Variants in OPN3 observed in about 807,000 individuals in gnomAD.
The protein encoded by OPN3 is opsin 3.
In OPN3, 29 loss-of-function variants were observed where a neutral mutation model predicts 33.8. The observed-to-expected ratio is 0.86, with a 90% confidence interval of 0.64 to 1.17. OPN3 has a LOEUF of 1.17. Among genes scored for constraint, OPN3 ranks in the 50% most tolerant of loss-of-function variants. OPN3 has a pLI of 0.00. For synonymous variants in OPN3, 216 were observed against 216.1 expected (o/e 1.00, Z 0.00); for missense variants, 437 against 514.1 (o/e 0.85, Z 1.45).
intron 1 of OPN3, among the ~76,000 whole-genome samples, chr1:241,609,714 T>C (rs1663937397): frequency 6.6e-6 from 1 of 152,178 alleles, no homozygotes; most frequent in Admixed American, 6.5e-5. Context: ...GAGATAAAGC[T>C]TAAGTTGGGT....
At chr1:241,600,492 A>G (rs1345525521) in intron 2 of OPN3, 1 of 152,228 alleles carries the variant, frequency 6.6e-6, no homozygotes. Flanking sequence ...GCTAAGACAA[A>G]TTCTTCAGAA....
At chr1:241,607,737 A>G (rs1037411819) in intron 1 of OPN3, among the ~76,000 whole-genome samples, 54 of 107,400 alleles carry the variant, frequency 5.0e-4, no homozygotes, top group African/African-American at 1.6e-3. Flanking sequence ...AAAGGAGGGA[A>G]GGAAGGAAGG....
rs371668029 is a variant in OPN3 at position 241,604,455 on chromosome 1, C to T, written c.498G>A (p.Leu166=). The T allele has an allele frequency of 3.8e-5, 62 of 1,614,010 alleles. No individual in the cohort carries two copies. The African/African-American group carries it at 7.9e-4, about 21-fold the overall frequency. ...CCAGGAGAGGTGCTCCTGCCCACGC[C>T]AGTGAGTAGAGCCAGATGTAGGTAA... is the stretch of plus-strand genomic sequence containing the variant. ...RAITYIWLYS[L]AWAGAPLLGW... is the part of the protein sequence containing the mutation. Residue 166 remains leucine, a synonymous_variant, in exon 2 of 4, where the codon CTG becomes CTA. Coordinates refer to ENST00000366554, the MANE Select transcript of OPN3 (RefSeq NM_014322.3).
rs996340594 is a variant in OPN3, at chr1:241,594,086, G to A, written c.*342C>T. The A allele has an allele frequency of 2.4e-5, 6 of 249,630 alleles. No individual in the cohort carries two copies. In the East Asian group the frequency reaches 5.8e-4, roughly 24 times the overall value. The allele number at this position is 249,630 out of a possible 1,614,324, so 15.5% of individuals were successfully genotyped here. The stretch of plus-strand genomic sequence containing the variant: ...ACGCGACAGTTATTTTTACAGTAAG[G>A]TATTTTCGAGAAAAATGCATTACGT... On this transcript the variant is annotated 3_prime_UTR_variant, in exon 4 of 4. Coordinates refer to ENST00000366554, the MANE Select transcript of OPN3 (RefSeq NM_014322.3).
chr1:241,595,387 A>T (rs1002325251), intron 3 of OPN3: 4 of 152,254 alleles, frequency 2.6e-5, no homozygotes, highest in Admixed American at 6.5e-5. Flanking sequence ...TTCCTAAATG[A>T]CTGCATAGGA....
intron 1 of OPN3, chr1:241,634,032 C>A: frequency 6.2e-7 from 1 of 1,613,550 alleles, no homozygotes; most frequent in South Asian, 1.1e-5. Flanking sequence ...CAGTCAGGCC[C>A]AGAGCAGACA....
intron 1 of OPN3, among the ~76,000 whole-genome samples, chr1:241,610,669 G>A (rs1663966811): frequency 6.6e-6 from 1 of 152,154 alleles, no homozygotes; most frequent in Non-Finnish European, 1.5e-5. Flanking sequence ...AAGAAAAAAA[G>A]ATGAATTATA....
intron 1 of OPN3, among the ~76,000 whole-genome samples, chr1:241,613,602 G>T (rs1323446231): frequency 2.0e-5 from 3 of 152,124 alleles, no homozygotes; most frequent in Non-Finnish European, 1.5e-5. Context: ...TTAAATTGAA[G>T]AATTTTAGAG....
rs1663432050 is a variant in OPN3 at position 241,594,415 on chromosome 1, C to G, written c.*13G>C. 1 of 1,606,568 alleles carries G rather than the reference C, an allele frequency of 6.2e-7. No homozygotes were observed. On this transcript the variant is annotated 3_prime_UTR_variant, in exon 4 of 4. Transcript: ENST00000366554. ...CAATTTAAGGCCCCATCTTTCGTTG[C>G]CATTCTTCATTCCTACAAAGGACGA...
At chr1:241,614,902 T>TC (rs1203072728) in intron 1 of OPN3, among the ~76,000 whole-genome samples, 1 of 152,162 alleles carries the variant, frequency 6.6e-6, no homozygotes, top group East Asian at 1.9e-4. Context: ...GGCGTTTGTT[T>TC]CCCCCCAGTA....
At chr1:241,600,103 C>T (rs983127641) in intron 2 of OPN3, among the ~76,000 whole-genome samples, 3 of 152,100 alleles carry the variant, frequency 2.0e-5, no homozygotes, top group Non-Finnish European at 2.9e-5. Context: ...TCCCCTCTCG[C>T]CATTTATCAA....
chr1:241,595,475 CACTGAAAT>C (rs1453334533), intron 3 of OPN3: 1 of 152,206 alleles, frequency 6.6e-6, no homozygotes, highest in Non-Finnish European at 1.5e-5. Flanking sequence ...TGTATTAATT[CACTGAAAT>C]GTTGGGGTTG....
chr1:241,602,095 A>G (rs528132170), intron 2 of OPN3, among the ~76,000 whole-genome samples: 2 of 152,328 alleles, frequency 1.3e-5, no homozygotes, highest in East Asian at 1.9e-4. Flanking sequence ...TCCTGGCAGT[A>G]TGAAAGACCA....
At chr1:241,594,782 A>T in intron 3 of OPN3, 91 bp from the exon 4 acceptor site, 1 of 1,487,576 alleles carries the variant, frequency 6.7e-7, no homozygotes, top group South Asian at 1.3e-5. Context: ...GCTGAATTTA[A>T]GTTGTTTTTT....
chr1:241,605,308 A>G (rs1663797681), intron 1 of OPN3, among the ~76,000 whole-genome samples: 1 of 152,038 alleles, frequency 6.6e-6, no homozygotes, highest in Non-Finnish European at 1.5e-5. Context: ...CAAAAGCTCA[A>G]GCTGAATGAA....
intron 1 of OPN3, among the ~76,000 whole-genome samples, chr1:241,607,704 G>C (rs1207638713): frequency 2.9e-5 from 4 of 137,842 alleles, no homozygotes; most frequent in Non-Finnish European, 6.1e-5. Flanking sequence ...AAGGAAGGAA[G>C]GAAGAGAAAG....
At chr1:241,622,469 A>G (rs1484205501) in intron 1 of OPN3, among the ~76,000 whole-genome samples, 1 of 152,176 alleles carries the variant, frequency 6.6e-6, no homozygotes, top group Non-Finnish European at 1.5e-5. Context: ...ATTCCCTCTT[A>G]TTTATGTCAC....
At chr1:241,614,631 T>C (rs941944753) in intron 1 of OPN3, among the ~76,000 whole-genome samples, 5 of 152,252 alleles carry the variant, frequency 3.3e-5, no homozygotes, top group East Asian at 1.9e-4. Flanking sequence ...GTTCTTTTAA[T>C]ATCAGCTCCC....
chr1:241,597,635 C>CT, intron 3 of OPN3, 111 bp downstream of exon 3: 2 of 1,067,200 alleles, frequency 1.9e-6, no homozygotes, highest in South Asian at 4.8e-5. Flanking sequence ...CTAAAAAATT[C>CT]TTGTTTTTTT....
Sources: allele counts gnomAD v4.1 joint callset (sites outside exome capture counted in the v4.1 genomes callset), GRCh38; gene constraint gnomAD v4.1.1; transcripts MANE v1.5; gene names NCBI Gene and HGNC (gene_info 2026-07-23, HGNC 2026-07-21).